APBA1: variants seen among roughly 807,000 people sequenced by gnomAD.
The protein encoded by APBA1 is amyloid beta precursor protein binding family A member 1.
APBA1 carries 55 observed loss-of-function variants against 86.6 expected under a neutral mutation model. The ratio of observed to expected loss-of-function variants is 0.64; its 90% CI spans 0.51 to 0.80. The LOEUF is 0.80. APBA1 is among the 30% of genes least tolerant of loss of function. APBA1 has a pLI of 0.00. For missense variants in APBA1, 1,090 were observed against 1,183.0 expected, an observed-to-expected ratio of 0.92 and a Z score of 1.15; for synonymous variants, 511 against 493.9, an observed-to-expected ratio of 1.03 and a Z score of -0.46.
At chr9:69,572,675 C>T (rs908057903) in intron 1 of APBA1, among the ~76,000 whole-genome samples, 14 of 152,190 alleles carry the variant, frequency 9.2e-5, no homozygotes. Context: ...ACACCTCCAT[C>T]TGAGCATTTG....
Position 69,476,092 on chromosome 9 carries a change from A to T in APBA1, c.1252T>A (p.Ser418Thr). ...TCCACAGGGTCACTGGGGTGAAGAG[A>T]TGTGCTTGATGACTCTGCACCCAAG... ...SPLGAESSST[S>T]LHPSDPVEAS... is the part of the protein sequence containing the mutation. The change falls in exon 3 of 13, where the codon TCT becomes ACT. Residue 418 changes from serine to threonine, a missense_variant. Transcript: ENST00000265381. 6.2e-7 allele frequency: 1 copy of T among 1,614,138 alleles called. No individual in the cohort carries two copies. Among genetic ancestry groups the T allele is most frequent in the East Asian group, 2.2e-5 (1 of 44,884 alleles).
At chr9:69,459,005 T>C (rs997785042) in intron 5 of APBA1, among the ~76,000 whole-genome samples, 1 of 152,054 alleles carries the variant, frequency 6.6e-6, no homozygotes, top group African/African-American at 2.4e-5. Context: ...ATGGGGTTTC[T>C]CCATGTTGGC....
chr9:69,630,714 C>T (rs1431509060), intron 1 of APBA1, among the ~76,000 whole-genome samples: 1 of 152,200 alleles, frequency 6.6e-6, no homozygotes, highest in Non-Finnish European at 1.5e-5. Context: ...CTCTCCATGA[C>T]AATACCACCA....
intron 1 of APBA1, among the ~76,000 whole-genome samples, chr9:69,611,839 C>T (rs1242433951): frequency 6.6e-6 from 1 of 152,146 alleles, no homozygotes; most frequent in Non-Finnish European, 1.5e-5. Context: ...TAATTCTATT[C>T]AGATTGGCTT....
intron 1 of APBA1, among the ~76,000 whole-genome samples, chr9:69,603,286 C>A (rs1317775779): frequency 6.6e-6 from 1 of 152,188 alleles, no homozygotes; most frequent in East Asian, 1.9e-4. Context: ...AACTTCTGAG[C>A]CCCAGTCAAT....
rs546412752 is a variant in APBA1 at position 69,456,100 on chromosome 9, C to A, written c.1788+147G>T. ...TGAGTACCCTGTCTGTTTTACTCAGCCTTATATCTCTAGTGCTGGAACAGT... is the reference window on the plus strand; with the variant it reads ...TGAGTACCCTGTCTGTTTTACTCAGACTTATATCTCTAGTGCTGGAACAGT... On this transcript the variant is annotated intron_variant, in intron 8 of 12. Coordinates refer to ENST00000265381, the MANE Select transcript of APBA1 (RefSeq NM_001163.4). 6.0e-5 allele frequency: 55 copies of A among 909,534 alleles called. No individual in the cohort carries two copies. In the South Asian group the frequency reaches 8.4e-4, roughly 14 times the overall value. 56.3% of individuals were successfully genotyped at this position (909,534 alleles called of 1,614,324 possible).
intron 4 of APBA1, among the ~76,000 whole-genome samples, chr9:69,468,667 C>G (rs1040179874): frequency 6.6e-6 from 1 of 152,200 alleles, no homozygotes; most frequent in African/African-American, 2.4e-5. Context: ...CAAGGAAAAT[C>G]AAATTTTCTG....
intron 1 of APBA1, among the ~76,000 whole-genome samples, chr9:69,617,943 T>C (rs926915838): frequency 2.1e-5 from 3 of 143,640 alleles, no homozygotes; most frequent in African/African-American, 7.7e-5. Context: ...CCATGCTTCA[T>C]CATCAAGCTT....
chr9:69,651,150 A>G (rs1245870239), intron 1 of APBA1, among the ~76,000 whole-genome samples: 2 of 152,240 alleles, frequency 1.3e-5, no homozygotes, highest in Non-Finnish European at 2.9e-5. Flanking sequence ...GTAAAGTCGA[A>G]GAATCTGGAC....
chr9:69,605,268 T>TAA lies in APBA1; in HGVS notation c.-70+66883_-70+66884dup, dbSNP rs544009394. Among the ~76,000 whole-genome samples the TAA allele has an allele frequency of 6.2e-3, 913 of 146,674 alleles. 10 individuals are homozygous for TAA. The highest frequency in any genetic ancestry group is 0.022 in the African/African-American group (867 of 40,174). On this transcript the variant is annotated intron_variant, in intron 1 of 12. Transcript: ENST00000265381. ...ACGATGGTACTAACCTCCTTTACAGTAAAAAAAAAAATTATCTCAGGCCTC... is the reference window on the plus strand; with the variant it reads ...ACGATGGTACTAACCTCCTTTACAGTAAAAAAAAAAAAATTATCTCAGGCCTC...
At chr9:69,493,195 C>T (rs147830132) in intron 2 of APBA1, among the ~76,000 whole-genome samples, 1 of 152,126 alleles carries the variant, frequency 6.6e-6, no homozygotes, top group East Asian at 1.9e-4. Flanking sequence ...TTCTTTTTTG[C>T]TTATAGAACA....
At chr9:69,529,359 T>C (rs1401615537) in intron 1 of APBA1, among the ~76,000 whole-genome samples, 1 of 152,142 alleles carries the variant, frequency 6.6e-6, no homozygotes, top group Non-Finnish European at 1.5e-5. Context: ...TAAATTTGAA[T>C]TTGATGAGCC....
At chr9:69,452,745 C>T (rs1835032658) in intron 8 of APBA1, among the ~76,000 whole-genome samples, 1 of 152,200 alleles carries the variant, frequency 6.6e-6, no homozygotes. Context: ...ACACATCGAA[C>T]ATTTCAAGAA....
chr9:69,476,174 A>G, intron 2 of APBA1, 31 bp from the exon 3 acceptor site: 1 of 1,532,734 alleles, frequency 6.5e-7, no homozygotes, highest in Non-Finnish European at 9.0e-7. Context: ...ACACAGTGAG[A>G]ACTTGAGAGA....
chr9:69,607,044 G>A (rs1239521883), intron 1 of APBA1, among the ~76,000 whole-genome samples: 1 of 152,154 alleles, frequency 6.6e-6, no homozygotes. Context: ...GGCCAGAATT[G>A]TATTTGCTTC....
intron 1 of APBA1, among the ~76,000 whole-genome samples, chr9:69,590,805 G>A (rs1005149723): frequency 3.9e-5 from 6 of 152,186 alleles, no homozygotes; most frequent in Admixed American, 3.9e-4. Context: ...AGGGGACATG[G>A]CTGGGTACCC....
At chr9:69,455,862 C>A (rs1187344530) in intron 8 of APBA1, among the ~76,000 whole-genome samples, 1 of 152,154 alleles carries the variant, frequency 6.6e-6, no homozygotes, top group Non-Finnish European at 1.5e-5. Flanking sequence ...TCAGGGCCTT[C>A]GCATTTGCTC....
At chr9:69,604,655 T>G (rs1822431806) in intron 1 of APBA1, among the ~76,000 whole-genome samples, 1 of 128,258 alleles carries the variant, frequency 7.8e-6, no homozygotes. Flanking sequence ...CATGCACACA[T>G]GAGGGTAAGA....
chr9:69,586,169 A>T (rs1056707736), intron 1 of APBA1, among the ~76,000 whole-genome samples: 1 of 152,186 alleles, frequency 6.6e-6, no homozygotes, highest in Non-Finnish European at 1.5e-5. Context: ...CTATAAAAAC[A>T]GATCAGTATG....
Sources: allele counts gnomAD v4.1 joint callset (sites outside exome capture counted in the v4.1 genomes callset), GRCh38; gene constraint gnomAD v4.1.1; transcripts MANE v1.5; gene names NCBI Gene and HGNC (gene_info 2026-07-23, HGNC 2026-07-21).